The following DSE variants were observed in gnomAD, a reference collection of about 807,000 sequenced individuals.
DSE encodes dermatan sulfate epimerase.
Under a neutral mutation model 84.4 loss-of-function variants are expected in DSE, and 36 were observed. The ratio of observed to expected loss-of-function variants is 0.43; its 90% CI spans 0.33 to 0.56. The LOEUF (loss-of-function observed/expected upper bound fraction) is 0.56. Ranked by LOEUF, DSE falls within the 20% of genes least tolerant of loss-of-function variation. The probability of loss-of-function intolerance (pLI) is 0.06; values close to 1 mark genes in which losing one functional copy is unlikely to be tolerated. For missense variants in DSE, 862 were observed against 1,169.6 expected (o/e 0.74, Z 3.84); for synonymous variants, 410 against 430.1 (o/e 0.95, Z 0.58).
chr6:116,287,999 A>G (rs1166436555), intron 2 of DSE: 2 of 152,116 alleles, frequency 1.3e-5, no homozygotes, highest in Admixed American at 1.3e-4. Flanking sequence ...TTTTATTCCC[A>G]CTAAGCTGTA....
At chr6:116,279,863 G>A (rs1773400078) in intron 2 of DSE, 3 of 1,612,910 alleles carry the variant, frequency 1.9e-6, no homozygotes, top group Non-Finnish European at 8.5e-7. Context: ...GCAGGCGAAC[G>A]CCCGTTTTCC....
At chr6:116,321,727 TCGCGCCAC>T (rs1265309438) in intron 2 of DSE, among the ~76,000 whole-genome samples, 16 of 152,090 alleles carry the variant, frequency 1.1e-4, no homozygotes, top group African/African-American at 3.9e-4. Flanking sequence ...TGAGCCGAGA[TCGCGCCAC>T]CGCACTCCAG....
chr6:116,399,474 T>C lies in DSE; in HGVS notation c.224T>C (p.Val75Ala). 6.2e-7 allele frequency: 1 copy of C among 1,614,230 alleles called. No individual in the cohort carries two copies. Among genetic ancestry groups the C allele is most frequent in the Non-Finnish European group, 8.5e-7 (1 of 1,180,048 alleles). The change falls in exon 2 of 6, where the codon GTG (valine) becomes GCG (alanine). Residue 75 changes from valine (V) to alanine (A), a missense_variant. Coordinates refer to ENST00000644252, the MANE Select transcript of DSE (RefSeq NM_013352.4). ...ATTGCAGCCCGCCTCACGGAGGCTGTGCACACGATGCTGTCCAGCCCCTTG... is the reference window on the plus strand; with the variant it reads ...ATTGCAGCCCGCCTCACGGAGGCTGCGCACACGATGCTGTCCAGCCCCTTG... ...EHIAARLTEA[V>A]HTMLSSPLEY...
intron 1 of DSE, among the ~76,000 whole-genome samples, chr6:116,374,243 T>A (rs1197668001): frequency 6.6e-6 from 1 of 152,192 alleles, no homozygotes; most frequent in African/African-American, 2.4e-5. Flanking sequence ...ATTAGCATAC[T>A]TGAATCATAA....
At chr6:116,282,152 G>A (rs1239874135) in intron 2 of DSE, among the ~76,000 whole-genome samples, 2 of 152,142 alleles carry the variant, frequency 1.3e-5, no homozygotes, top group Admixed American at 6.5e-5. Flanking sequence ...CTTCGTTTCT[G>A]TCTACAGAAA....
At chr6:116,258,549 G>A in exon 2 of DSE, 2 of 1,452,608 alleles carry the variant, frequency 1.4e-6, no homozygotes, top group Middle Eastern at 1.7e-4. Flanking sequence ...TCTTCTTAAT[G>A]GCATAGGAGT....
intron 1 of DSE, among the ~76,000 whole-genome samples, chr6:116,373,092 C>A (rs1166549809): frequency 6.6e-6 from 1 of 150,996 alleles, no homozygotes; most frequent in Non-Finnish European, 1.5e-5. Flanking sequence ...CGGTGGCTCA[C>A]GCCTGTAATC....
chr6:116,429,679 T>C (rs1263122591), intron 3 of DSE, among the ~76,000 whole-genome samples: 1 of 72,788 alleles, frequency 1.4e-5, no homozygotes, highest in Non-Finnish European at 2.9e-5. Context: ...CCGGGCGCGG[T>C]GGCTCACGCT....
chr6:116,420,200 TGTAA>T (rs1026034603), intron 2 of DSE, among the ~76,000 whole-genome samples: 4 of 152,164 alleles, frequency 2.6e-5, no homozygotes, highest in East Asian at 3.8e-4. Flanking sequence ...TTCTTTTTAT[TGTAA>T]GTGTTTATTT....
intron 2 of DSE, among the ~76,000 whole-genome samples, chr6:116,344,706 A>G (rs1777838787): frequency 6.6e-6 from 1 of 152,250 alleles, no homozygotes; most frequent in South Asian, 2.1e-4. Context: ...CTAGGAAGAA[A>G]CTGCATCAAC....
At chr6:116,285,854 G>A (rs544665829) in intron 2 of DSE, among the ~76,000 whole-genome samples, 3 of 152,144 alleles carry the variant, frequency 2.0e-5, no homozygotes, top group South Asian at 4.2e-4. Flanking sequence ...TATTTCTGAG[G>A]GCTCTGTTCT....
intron 2 of DSE, among the ~76,000 whole-genome samples, chr6:116,274,352 G>A (rs1220369209): frequency 2.0e-5 from 3 of 151,830 alleles, no homozygotes; most frequent in East Asian, 2.0e-4. Context: ...GCCTGAGGTC[G>A]GGAGTTTGAG....
At chr6:116,261,764 G>GT (rs1401225922) in intron 2 of DSE, among the ~76,000 whole-genome samples, 4 of 152,112 alleles carry the variant, frequency 2.6e-5, no homozygotes, top group African/African-American at 9.7e-5. Context: ...TTATTTTGAG[G>GT]TATGTTCTTT....
chr6:116,319,694 A>C (rs1447067905), intron 2 of DSE, among the ~76,000 whole-genome samples: 1 of 152,202 alleles, frequency 6.6e-6, no homozygotes, highest in African/African-American at 2.4e-5. Flanking sequence ...TTTGGGGTAA[A>C]TATGTATCTT....
In DSE at chr6:116,439,179, A is replaced by T. The variant is rs906670376; in HGVS notation, c.*1834A>T. The T allele has an allele frequency of 6.6e-6, 1 of 152,148 alleles. No homozygotes were observed. Among genetic ancestry groups the T allele is most frequent in the African/African-American group, 2.4e-5 (1 of 41,426 alleles). 9.4% of individuals were successfully genotyped at this position (152,148 alleles called of 1,614,324 possible). On this transcript the variant is annotated 3_prime_UTR_variant, in exon 6 of 6. Transcript: ENST00000644252. ...GAAATGATCAAAAGGAAATTTTGAA[A>T]GAAAAAAAAAAGGAAAATTATTCTT...
At chr6:116,371,508 T>G (rs1779571744) in intron 1 of DSE, among the ~76,000 whole-genome samples, 1 of 152,224 alleles carries the variant, frequency 6.6e-6, no homozygotes, top group Non-Finnish European at 1.5e-5. Flanking sequence ...GGCTTCACTC[T>G]GCGGGGTTGG....
chr6:116,313,689 C>A (rs1775817934), intron 2 of DSE, among the ~76,000 whole-genome samples: 1 of 152,126 alleles, frequency 6.6e-6, no homozygotes, highest in Admixed American at 6.5e-5. Flanking sequence ...AACAGGCATT[C>A]TTTTTCTCTT....
At chr6:116,382,739 T>C (rs1223008945) in intron 1 of DSE, among the ~76,000 whole-genome samples, 1 of 152,052 alleles carries the variant, frequency 6.6e-6, no homozygotes, top group Non-Finnish European at 1.5e-5. Flanking sequence ...CAGTTGGAGA[T>C]GATAAGTGAG....
At chr6:116,314,005 C>G (rs1214340870) in intron 2 of DSE, among the ~76,000 whole-genome samples, 2 of 152,082 alleles carry the variant, frequency 1.3e-5, no homozygotes, top group African/African-American at 4.8e-5. Flanking sequence ...GAGAGAAAAC[C>G]AACTTACATC....
Sources: allele counts gnomAD v4.1 joint callset (sites outside exome capture counted in the v4.1 genomes callset), GRCh38; gene constraint gnomAD v4.1.1; transcripts MANE v1.5; gene names NCBI Gene and HGNC (gene_info 2026-07-23, HGNC 2026-07-21).